PRKD1: variants seen among roughly 807,000 people sequenced by gnomAD.
PRKD1 encodes serine/threonine-protein kinase D1.
PRKD1 carries 63 observed loss-of-function variants against 95.9 expected under a neutral mutation model. The ratio of observed to expected loss-of-function variants is 0.66; its 90% CI spans 0.54 to 0.81. PRKD1 has a LOEUF of 0.81. Among genes scored for constraint, PRKD1 ranks in the 30% least tolerant of loss-of-function variants. The pLI is 0.00. For missense variants in PRKD1, 1,048 were observed against 1,165.3 expected (o/e 0.90, Z 1.47); for synonymous variants, 425 against 423.1 (o/e 1.00, Z -0.05).
At chr14:29,667,637 A>C (rs1417717852) in intron 2 of PRKD1, among the ~76,000 whole-genome samples, 10 of 152,180 alleles carry the variant, frequency 6.6e-5, no homozygotes, top group Admixed American at 5.9e-4. Context: ...TCATGTAGAA[A>C]ATTTATTTTT....
At chr14:29,830,851 C>T (rs909401239) in intron 1 of PRKD1, among the ~76,000 whole-genome samples, 1 of 151,944 alleles carries the variant, frequency 6.6e-6, no homozygotes, top group Non-Finnish European at 1.5e-5. Flanking sequence ...TGCCACCACG[C>T]CCAACTAATT....
intron 16 of PRKD1, chr14:29,591,196 T>C (rs1002251574): frequency 4.6e-5 from 7 of 152,298 alleles, no homozygotes; most frequent in African/African-American, 1.7e-4. Flanking sequence ...TCTTCTTTAT[T>C]CCTGAAAAAA....
chr14:29,623,245 T>C (rs1879396810), intron 13 of PRKD1, among the ~76,000 whole-genome samples: 2 of 152,330 alleles, frequency 1.3e-5, no homozygotes, highest in Non-Finnish European at 2.9e-5. Flanking sequence ...TATTTTTCTA[T>C]GTTTAGCAGG....
chr14:29,905,837 C>T lies in PRKD1; in HGVS notation c.264+21412G>A, dbSNP rs373359002. ...ATTCAAGAACTGAATGTTATGTTAA[C>T]GGGCAACAAGGCTCCAGAAAATCAA... On this transcript the variant is annotated intron_variant, in intron 1 of 17. Coordinates refer to ENST00000331968, the MANE Select transcript of PRKD1 (RefSeq NM_002742.3). Among the ~76,000 whole-genome samples, 5 of 152,264 alleles carry T rather than the reference C, an allele frequency of 3.3e-5. No homozygotes were observed. In the South Asian group the frequency reaches 8.3e-4, roughly 25 times the overall value.
chr14:29,603,275 GTTTAT>G (rs1364816542), intron 13 of PRKD1, among the ~76,000 whole-genome samples: 2 of 152,154 alleles, frequency 1.3e-5, no homozygotes, highest in African/African-American at 4.8e-5. Context: ...TATACAACAA[GTTTAT>G]TTTAACATTT....
intron 1 of PRKD1, among the ~76,000 whole-genome samples, chr14:29,734,872 T>C (rs1037097115): frequency 1.3e-5 from 2 of 152,174 alleles, no homozygotes; most frequent in Non-Finnish European, 2.9e-5. Flanking sequence ...CTCTGTCTTC[T>C]TTAAGCAGCA....
chr14:29,844,709 T>C (rs1892011533), intron 1 of PRKD1, among the ~76,000 whole-genome samples: 2 of 152,242 alleles, frequency 1.3e-5, no homozygotes, highest in South Asian at 2.1e-4. Flanking sequence ...CAAATAACAG[T>C]AGTTTAATCA....
chr14:29,727,436 T>A (rs527647644), intron 1 of PRKD1, among the ~76,000 whole-genome samples: 1 of 151,842 alleles, frequency 6.6e-6, no homozygotes, highest in Admixed American at 6.6e-5. Flanking sequence ...TTGTTGCCAT[T>A]GCTTTTGGTG....
intron 4 of PRKD1, among the ~76,000 whole-genome samples, chr14:29,639,573 C>G (rs768031939): frequency 6.6e-6 from 1 of 151,462 alleles, no homozygotes; most frequent in East Asian, 1.9e-4. Context: ...GAGCCAATAT[C>G]GTGCCACTGC....
intron 4 of PRKD1, among the ~76,000 whole-genome samples, chr14:29,639,550 CA>C (rs1880620143): frequency 6.6e-6 from 1 of 151,742 alleles, no homozygotes; most frequent in African/African-American, 2.4e-5. Context: ...ACCTGGGAGA[CA>C]GAGGTTGTGG....
chr14:29,589,874 C>T (rs1219123009), intron 16 of PRKD1, among the ~76,000 whole-genome samples: 2 of 152,116 alleles, frequency 1.3e-5, no homozygotes, highest in African/African-American at 4.8e-5. Flanking sequence ...ACCTGCCTTC[C>T]GGAGACTACC....
intron 4 of PRKD1, among the ~76,000 whole-genome samples, chr14:29,647,381 T>C (rs892319847): frequency 2.0e-5 from 3 of 152,194 alleles, no homozygotes; most frequent in Admixed American, 6.5e-5. Context: ...TGTTCAAAAA[T>C]TGTTGCAAAT....
At chr14:29,840,371 T>G (rs761186605) in intron 1 of PRKD1, among the ~76,000 whole-genome samples, 3 of 152,176 alleles carry the variant, frequency 2.0e-5, no homozygotes, top group African/African-American at 4.8e-5. Flanking sequence ...TGGATTTCAT[T>G]GTCCATATCA....
In PRKD1 at chr14:29,927,455, C is replaced by A; in HGVS notation, c.58G>T (p.Ala20Ser). The A allele has an allele frequency of 7.7e-7, 1 of 1,305,544 alleles. No individual in the cohort carries two copies. Among genetic ancestry groups the A allele is most frequent in the South Asian group, 2.2e-5 (1 of 44,890 alleles). The allele number at this position is 1,305,544 out of a possible 1,614,324, so 80.9% of individuals were successfully genotyped here. Residue 20 changes from alanine (A) to serine (S), a missense_variant, in exon 1 of 18, where the codon GCT becomes TCT. By Grantham distance (99) the Ala-to-Ser change is moderately conservative. Around this residue, in one of 3 missense-constraint regions of PRKD1, gnomAD observed 34 missense variants for 54.8 expected, o/e 0.62. Coordinates refer to ENST00000331968, the MANE Select transcript of PRKD1 (RefSeq NM_002742.3). Reference protein sequence around the residue: ...PSPLLPVAAAAAAAAAALVPG... With the variant: ...PSPLLPVAAASAAAAAALVPG... The stretch of plus-strand genomic sequence containing the variant: ...ACCAGTGCGGCGGCCGCTGCGGCAG[C>A]TGCCGCCGCCACGGGCAGCAGCGGA...
rs571080727 is a variant in PRKD1 at position 29,820,126 on chromosome 14, A to G, written c.265-94452T>C. Among the ~76,000 whole-genome samples, 7 of 152,338 alleles carry G rather than the reference A, an allele frequency of 4.6e-5. No homozygotes were observed. The South Asian group carries it at 1.5e-3, about 32-fold the overall frequency. The stretch of plus-strand genomic sequence containing the variant: ...TCCGCCCTAAACACAATGGATACAG[A>G]ATCATAAGGACACCCCATATTACCC... On this transcript the variant is annotated intron_variant, in intron 1 of 17. Coordinates refer to ENST00000331968, the MANE Select transcript of PRKD1 (RefSeq NM_002742.3).
chr14:29,636,577 A>C lies in PRKD1; in HGVS notation c.986-83T>G, dbSNP rs1880393959. ...GAGACAGTCAGGTGATCCTAAAACA[A>C]ATCAATTGGAAGCCCCAAAGAGGTA... On this transcript the variant is annotated intron_variant, in intron 6 of 17. Coordinates refer to ENST00000331968, the MANE Select transcript of PRKD1 (RefSeq NM_002742.3). 3.7e-6 allele frequency: 5 copies of C among 1,341,728 alleles called. No homozygotes were observed. The South Asian group carries it at 6.3e-5, about 17-fold the overall frequency. The allele number at this position is 1,341,728 out of a possible 1,614,324, so 83.1% of individuals were successfully genotyped here. A position where few individuals can be genotyped will look rare whatever the true frequency, so the allele number is the denominator to read the frequency against.
chr14:29,702,351 A>T (rs1884883449), intron 2 of PRKD1, among the ~76,000 whole-genome samples: 1 of 151,832 alleles, frequency 6.6e-6, no homozygotes, highest in Non-Finnish European at 1.5e-5. Context: ...GTTAGCTAAG[A>T]CCTCCTGTAT....
At chr14:29,722,547 T>C (rs555191832) in intron 2 of PRKD1, among the ~76,000 whole-genome samples, 1 of 152,360 alleles carries the variant, frequency 6.6e-6, no homozygotes, top group South Asian at 2.1e-4. Context: ...AAATGGTATA[T>C]ATGTAGTAAC....
At chr14:29,885,584 T>A (rs1893672886) in intron 1 of PRKD1, among the ~76,000 whole-genome samples, 1 of 151,970 alleles carries the variant, frequency 6.6e-6, no homozygotes, top group Non-Finnish European at 1.5e-5. Context: ...AAAAAATGCT[T>A]CATCTCCTGG....
Sources: gnomAD v4.1 joint callset for allele counts (sites outside exome capture counted in the v4.1 genomes callset) on GRCh38, gnomAD v4.1.1 for gene constraint, gnomAD v4.1.1 regional missense constraint, MANE v1.5 for transcripts, NCBI Gene and HGNC (gene_info 2026-07-23, HGNC 2026-07-21) for gene names.